The following RNF220 variants were observed in gnomAD, a reference collection of about 807,000 sequenced individuals.
RNF220 encodes the protein ring finger protein 220.
RNF220 carries 7 observed loss-of-function variants against 67.1 expected under a neutral mutation model. The observed-to-expected ratio is 0.10, with a 90% CI of 0.06 to 0.20. The LOEUF is 0.20. RNF220 is among the 10% of genes least tolerant of loss of function. The pLI is 1.00. For synonymous variants in RNF220, 270 were observed against 283.2 expected, an observed-to-expected ratio of 0.95 and a Z score of 0.47; for missense variants, 565 against 740.3, an observed-to-expected ratio of 0.76 and a Z score of 2.75.
At chr1:44,492,135 T>C (rs1442054323) in intron 2 of RNF220, among the ~76,000 whole-genome samples, 1 of 152,360 alleles carries the variant, frequency 6.6e-6, no homozygotes, top group South Asian at 2.1e-4. Context: ...CTAAAGAAGA[T>C]GTATGAATAC....
intron 2 of RNF220, among the ~76,000 whole-genome samples, chr1:44,593,169 G>A (rs1459526889): frequency 6.6e-6 from 1 of 152,146 alleles, no homozygotes; most frequent in Non-Finnish European, 1.5e-5. Context: ...CAGTTTGTTT[G>A]GCAAAGCCCT....
At chr1:44,520,077 G>A (rs866378083) in intron 2 of RNF220, among the ~76,000 whole-genome samples, 6 of 142,764 alleles carry the variant, frequency 4.2e-5, no homozygotes, top group South Asian at 2.3e-4. Context: ...AGATGCTGAA[G>A]TCCAGCATTG....
At chr1:44,604,491 C>T (rs1021793122) in intron 2 of RNF220, among the ~76,000 whole-genome samples, 2 of 152,228 alleles carry the variant, frequency 1.3e-5, no homozygotes, top group African/African-American at 4.8e-5. Flanking sequence ...AGCTGTGGCC[C>T]CTGAAGCCCC....
chr1:44,512,734 G>A (rs1390378725), intron 2 of RNF220, among the ~76,000 whole-genome samples: 1 of 152,204 alleles, frequency 6.6e-6, no homozygotes, highest in Admixed American at 6.5e-5. Context: ...GAGGCATGCT[G>A]GGCAGCCTGG....
chr1:44,625,719 ATC>A (rs1643918226), intron 4 of RNF220, among the ~76,000 whole-genome samples: 1 of 152,012 alleles, frequency 6.6e-6, no homozygotes. Flanking sequence ...CAGTTTATTA[ATC>A]TAAACTGCAG....
rs34268893 is a variant in RNF220, at chr1:44,482,920, CTTTTTTTTTTTTTTTT to C, written c.625+70208_625+70223del. On this transcript the variant is annotated intron_variant, in intron 2 of 14. Coordinates refer to ENST00000361799, the MANE Select transcript of RNF220 (RefSeq NM_018150.4). ...GTAAGAGTGAGCCACCACACCCAGC[CTTTTTTTTTTTTTTTT>C]TTTTTTTTTGTCCAGATGGGATATT... Among the ~76,000 whole-genome samples, 120 of 69,176 alleles carry C rather than the reference CTTTTTTTTTTTTTTTT, an allele frequency of 1.7e-3. 1 individual carries two copies. The highest frequency in any genetic ancestry group is 7.7e-3 in the African/African-American group (120 of 15,672). 45.4% of individuals were successfully genotyped at this position (69,176 alleles called of 152,430 possible). A position where few individuals can be genotyped will look rare whatever the true frequency, so the allele number is the denominator to read the frequency against.
chr1:44,471,413 C>T (rs890166072), intron 2 of RNF220, among the ~76,000 whole-genome samples: 3 of 150,764 alleles, frequency 2.0e-5, no homozygotes, highest in South Asian at 2.1e-4. Context: ...GGTGACAGAG[C>T]GAGACTCCAT....
At chr1:44,617,590 T>G (rs951495291) in intron 3 of RNF220, among the ~76,000 whole-genome samples, 1 of 152,212 alleles carries the variant, frequency 6.6e-6, no homozygotes, top group African/African-American at 2.4e-5. Context: ...TTGGCTGCCC[T>G]TGCCCCGCCC....
intron 4 of RNF220, 67 bp from the exon 5 acceptor site, chr1:44,626,230 G>C (rs1643934156): frequency 8.2e-7 from 1 of 1,223,474 alleles, no homozygotes; most frequent in Non-Finnish European, 1.2e-6. Flanking sequence ...CCACAGGACT[G>C]GGAACTCTAG....
chr1:44,527,830 G>C (rs1431355643), intron 2 of RNF220, among the ~76,000 whole-genome samples: 2 of 143,792 alleles, frequency 1.4e-5, no homozygotes, highest in Non-Finnish European at 3.0e-5. Context: ...AGAGGCTGAG[G>C]CAGGAGAATC....
intron 8 of RNF220, among the ~76,000 whole-genome samples, chr1:44,640,101 T>C (rs1220954554): frequency 1.3e-5 from 2 of 152,270 alleles, no homozygotes; most frequent in African/African-American, 4.8e-5. Context: ...GGCACAAATC[T>C]TTTATCTGGC....
chr1:44,559,690 C>T (rs1219959280), intron 2 of RNF220, among the ~76,000 whole-genome samples: 1 of 152,160 alleles, frequency 6.6e-6, no homozygotes, highest in Non-Finnish European at 1.5e-5. Context: ...GAAGCCAGAG[C>T]TGAAGGAAGG....
At chr1:44,405,822 G>C (rs1291586038) in intron 1 of RNF220, among the ~76,000 whole-genome samples, 1 of 151,524 alleles carries the variant, frequency 6.6e-6, no homozygotes, top group African/African-American at 2.4e-5. Context: ...GAGGTGCAAG[G>C]GGGAGGGACC....
At chr1:44,441,290 A>G (rs1350937555) in intron 2 of RNF220, among the ~76,000 whole-genome samples, 1 of 152,158 alleles carries the variant, frequency 6.6e-6, no homozygotes, top group Non-Finnish European at 1.5e-5. Flanking sequence ...GAGCCAGGAA[A>G]GTCATGCCTG....
intron 2 of RNF220, among the ~76,000 whole-genome samples, chr1:44,457,937 C>T (rs76849908): frequency 0.074 from 11,326 of 152,070 alleles, 481 homozygotes; most frequent in East Asian, 0.17. Flanking sequence ...GACTTGTCTA[C>T]GGATTTTGGC....
intron 2 of RNF220, among the ~76,000 whole-genome samples, chr1:44,602,464 C>T (rs1360228804): frequency 2.0e-5 from 3 of 152,092 alleles, no homozygotes; most frequent in Non-Finnish European, 4.4e-5. Flanking sequence ...TATCTAGAGA[C>T]TGCGGATGGA....
In RNF220 at chr1:44,578,294, G is replaced by A. The variant is rs765700488; in HGVS notation, c.626-35871G>A. On this transcript the variant is annotated intron_variant, in intron 2 of 14. Coordinates refer to ENST00000361799, the MANE Select transcript of RNF220 (RefSeq NM_018150.4). Reference sequence around the variant, plus strand: ...CTCCCAAGTAGCTGGGATTACAGGCGTGGGCCACCATGCCCAGCTCATTTT... The same window carrying A: ...CTCCCAAGTAGCTGGGATTACAGGCATGGGCCACCATGCCCAGCTCATTTT... Among the ~76,000 whole-genome samples the A allele has an allele frequency of 5.9e-5, 9 of 151,756 alleles. No homozygotes were observed. In the South Asian group the frequency reaches 6.3e-4, roughly 11 times the overall value.
chr1:44,503,361 G>A (rs550099765), intron 2 of RNF220, among the ~76,000 whole-genome samples: 62 of 147,646 alleles, frequency 4.2e-4, no homozygotes, highest in African/African-American at 1.4e-3. Flanking sequence ...AAAAAGAAGC[G>A]TTTACCAAGG....
At chr1:44,638,789 TAAAG>T (rs1384372241) in intron 8 of RNF220, among the ~76,000 whole-genome samples, 3 of 152,046 alleles carry the variant, frequency 2.0e-5, no homozygotes, top group Non-Finnish European at 4.4e-5. Flanking sequence ...TAGGACAAAA[TAAAG>T]AAGCAGACAG....
Sources: allele counts gnomAD v4.1 joint callset (sites outside exome capture counted in the v4.1 genomes callset), GRCh38; gene constraint gnomAD v4.1.1; transcripts MANE v1.5; gene names NCBI Gene and HGNC (gene_info 2026-07-23, HGNC 2026-07-21).